Variants in INPP4B observed in about 807,000 individuals in gnomAD.
INPP4B encodes inositol polyphosphate-4-phosphatase type II B, also known as inositol polyphosphate 4-phosphatase type II.
In INPP4B, 55 loss-of-function variants were observed where a neutral mutation model predicts 122.5. The ratio of observed to expected loss-of-function variants is 0.45; its 90% CI spans 0.36 to 0.56. The LOEUF is 0.56. Ranked by LOEUF, INPP4B falls within the 20% of genes least tolerant of loss-of-function variation. The pLI is 0.00. For missense variants in INPP4B, 1,000 were observed against 1,097.7 expected (o/e 0.91, Z 1.26); for synonymous variants, 403 against 388.7 (o/e 1.04, Z -0.43).
At chr4:142,398,391 AAAAAAAAAAAATATATATATATATAT>A (rs1443785495) in intron 7 of INPP4B, among the ~76,000 whole-genome samples, 529 of 31,340 alleles carry the variant, frequency 0.017, 14 homozygotes, top group Non-Finnish European at 0.028. Flanking sequence ...AAAAAAAAAA[AAAAAAAAAAAATATATATATATATAT>A]ATATATATAT....
chr4:142,838,544 AT>A (rs1394904487), intron 1 of INPP4B, among the ~76,000 whole-genome samples: 3 of 152,182 alleles, frequency 2.0e-5, no homozygotes, highest in Non-Finnish European at 4.4e-5. Context: ...TATGAAAAAA[AT>A]ATTGCAGTAA....
intron 7 of INPP4B, among the ~76,000 whole-genome samples, chr4:142,401,707 T>C (rs865864658): frequency 6.6e-6 from 1 of 152,252 alleles, no homozygotes; most frequent in South Asian, 2.1e-4. Flanking sequence ...GGTAAATATT[T>C]TAAAAGATGA....
chr4:142,768,847 C>T (rs867067334), intron 1 of INPP4B, among the ~76,000 whole-genome samples: 24 of 152,148 alleles, frequency 1.6e-4, no homozygotes, highest in African/African-American at 5.1e-4. Context: ...TAAAGAGCTA[C>T]ATTTGCCTTA....
Position 142,827,710 on chromosome 4 carries a change from T to C in INPP4B, c.-254+18499A>G, listed in dbSNP as rs562316386. ...TTTATCCATTATGATTCTGTTGCTG[T>C]TCTACCCTCCCTATCTACAGAAAAA... is the stretch of plus-strand genomic sequence containing the variant. On this transcript the variant is annotated intron_variant, in intron 1 of 25. Coordinates refer to ENST00000262992, the MANE Select transcript of INPP4B (RefSeq NM_001101669.3). Among the ~76,000 whole-genome samples, 8 of 152,310 alleles carry C rather than the reference T, an allele frequency of 5.3e-5. No homozygotes were observed. The South Asian group carries it at 1.5e-3, about 28-fold the overall frequency.
At chr4:142,265,136 T>C (rs1742143615) in intron 10 of INPP4B, among the ~76,000 whole-genome samples, 1 of 152,226 alleles carries the variant, frequency 6.6e-6, no homozygotes. Context: ...TGGGACTTCC[T>C]AGCTTCCAGA....
intron 11 of INPP4B, among the ~76,000 whole-genome samples, chr4:142,250,523 G>T (rs990784025): frequency 1.3e-5 from 2 of 152,178 alleles, no homozygotes; most frequent in East Asian, 1.9e-4. Flanking sequence ...TTTCAAAGTT[G>T]CTGAGTTTAG....
intron 2 of INPP4B, among the ~76,000 whole-genome samples, chr4:142,521,528 A>G (rs1826066603): frequency 6.6e-6 from 1 of 152,158 alleles, no homozygotes; most frequent in East Asian, 1.9e-4. Flanking sequence ...CATTAATCTA[A>G]CAGGCATTAG....
intron 7 of INPP4B, among the ~76,000 whole-genome samples, chr4:142,380,950 T>C (rs897651006): frequency 5.3e-5 from 8 of 152,198 alleles, no homozygotes; most frequent in Admixed American, 6.6e-5. Context: ...CCTTCTTTTT[T>C]GTAAGGCTTC....
intron 1 of INPP4B, among the ~76,000 whole-genome samples, chr4:142,788,777 G>A (rs1776115276): frequency 6.6e-6 from 1 of 152,030 alleles, no homozygotes; most frequent in African/African-American, 2.4e-5. Flanking sequence ...TCTCATCCAG[G>A]TTGCTGTGAA....
intron 25 of INPP4B, among the ~76,000 whole-genome samples, chr4:142,031,230 G>A (rs1578663338): frequency 6.6e-6 from 1 of 152,226 alleles, no homozygotes; most frequent in Middle Eastern, 3.4e-3. Flanking sequence ...TGGTTAAGGG[G>A]GTGGGATATT....
chr4:142,233,571 C>T (rs1185905265), intron 12 of INPP4B, among the ~76,000 whole-genome samples: 6 of 152,000 alleles, frequency 3.9e-5, no homozygotes, highest in African/African-American at 1.4e-4. Flanking sequence ...TTTCATTAAA[C>T]AAGGTAAGAG....
chr4:142,484,023 C>T (rs1466714612), intron 2 of INPP4B, among the ~76,000 whole-genome samples: 3 of 152,072 alleles, frequency 2.0e-5, no homozygotes, highest in South Asian at 4.1e-4. Flanking sequence ...ATCATGTACA[C>T]TTCATATCAC....
chr4:142,391,639 G>A (rs1227582542), intron 7 of INPP4B, among the ~76,000 whole-genome samples: 2 of 152,130 alleles, frequency 1.3e-5, no homozygotes, highest in East Asian at 3.9e-4. Context: ...TGGAGAAGGA[G>A]GATGGCCACC....
intron 7 of INPP4B, among the ~76,000 whole-genome samples, chr4:142,398,416 ATATATATATATATATATATATATATATAT>A: frequency 2.5e-5 from 1 of 40,046 alleles, no homozygotes; most frequent in Non-Finnish European, 6.5e-5. Flanking sequence ...ATATATATAT[ATATATATATATATATATATATATATATAT>A]AAAACATATT....
intron 9 of INPP4B, among the ~76,000 whole-genome samples, chr4:142,284,674 A>G (rs1335299352): frequency 1.3e-5 from 2 of 152,048 alleles, no homozygotes; most frequent in Non-Finnish European, 2.9e-5. Context: ...GTGGTCCCAG[A>G]AAGTGGGAGA....
intron 2 of INPP4B, among the ~76,000 whole-genome samples, chr4:142,722,213 T>C (rs1764779606): frequency 6.6e-6 from 1 of 152,170 alleles, no homozygotes; most frequent in Non-Finnish European, 1.5e-5. Context: ...GAATGTAGTG[T>C]AGGCTGGCTA....
At chr4:142,262,415 T>C (rs556698951) in intron 10 of INPP4B, among the ~76,000 whole-genome samples, 1 of 152,302 alleles carries the variant, frequency 6.6e-6, no homozygotes, top group African/African-American at 2.4e-5. Context: ...AGAATTCTTA[T>C]TCCTGACATA....
intron 12 of INPP4B, among the ~76,000 whole-genome samples, chr4:142,221,274 C>T (rs1344082382): frequency 6.6e-6 from 1 of 151,174 alleles, no homozygotes; most frequent in African/African-American, 2.4e-5. Flanking sequence ...GTGGCAGGCA[C>T]CTGTAGTCCC....
chr4:142,136,087 G>A lies in INPP4B; in HGVS notation c.1720+9753C>T, dbSNP rs1028467734. Among the ~76,000 whole-genome samples the A allele has an allele frequency of 8.5e-5, 13 of 152,152 alleles. No homozygotes were observed. In the East Asian group the frequency reaches 9.7e-4, roughly 11 times the overall value. ...GCTGGGATTACAGGTGTGAGCCACC[G>A]TGCCCGGAGGGTGCTTTTTATTTAC... On this transcript the variant is annotated intron_variant, in intron 18 of 25. Transcript: ENST00000262992.
Sources: allele counts gnomAD v4.1 joint callset (sites outside exome capture counted in the v4.1 genomes callset), GRCh38; gene constraint gnomAD v4.1.1; transcripts MANE v1.5; gene names NCBI Gene and HGNC (gene_info 2026-07-23, HGNC 2026-07-21).